Variants in CNTNAP4 observed in about 807,000 individuals in gnomAD.
CNTNAP4 encodes the protein contactin-associated protein-like 4.
CNTNAP4 carries 98 observed loss-of-function variants against 148.4 expected under a neutral mutation model. That is an observed-to-expected ratio of 0.66 (90% CI 0.56 to 0.78). The LOEUF (loss-of-function observed/expected upper bound fraction) is 0.78. Ranked by LOEUF, CNTNAP4 falls within the 30% of genes least tolerant of loss-of-function variation. The probability of loss-of-function intolerance (pLI) is 0.00; values close to 1 mark genes in which losing one functional copy is unlikely to be tolerated. For synonymous variants in CNTNAP4, 730 were observed against 565.1 expected (o/e 1.29, Z -4.14); for missense variants, 1,935 against 1,565.6 (o/e 1.24, Z -3.98).
intron 1 of CNTNAP4, chr16:76,287,754 C>G (rs1958946957): frequency 6.6e-6 from 1 of 152,194 alleles, no homozygotes; most frequent in Admixed American, 6.6e-5. Flanking sequence ...GACCCTGATT[C>G]ACTCCATTTT....
chr16:76,460,326 C>A (rs538928917), intron 8 of CNTNAP4, among the ~76,000 whole-genome samples: 53 of 151,896 alleles, frequency 3.5e-4, no homozygotes, highest in African/African-American at 1.1e-3. Context: ...CCAGGCTGGT[C>A]TCGAACTCCC....
At chr16:76,313,994 C>T (rs1961428431) in intron 1 of CNTNAP4, among the ~76,000 whole-genome samples, 1 of 152,008 alleles carries the variant, frequency 6.6e-6, no homozygotes, top group Admixed American at 6.6e-5. Flanking sequence ...GAAGAATTGG[C>T]TGAATAAATT....
At chr16:76,476,611 AG>A (rs1223491152) in intron 11 of CNTNAP4, among the ~76,000 whole-genome samples, 1 of 152,206 alleles carries the variant, frequency 6.6e-6, no homozygotes, top group Non-Finnish European at 1.5e-5. Context: ...TTCAAGATCA[AG>A]ATGCCAGCAG....
At chr16:76,496,085 T>TTGTGTGTGTGTGTGTGTGTG (rs5817999) in intron 14 of CNTNAP4, among the ~76,000 whole-genome samples, 138 of 140,162 alleles carry the variant, frequency 9.8e-4, no homozygotes, top group Admixed American at 2.1e-3. Flanking sequence ...CAAGATTATG[T>TTGTGTGTGTGTGTGTGTGTG]TGTGTGTGTG....
intron 3 of CNTNAP4, among the ~76,000 whole-genome samples, chr16:76,407,222 T>A (rs1397538046): frequency 2.0e-5 from 3 of 152,104 alleles, no homozygotes; most frequent in Non-Finnish European, 4.4e-5. Context: ...TTACTGAATA[T>A]TTGAAACCCA....
At chr16:76,323,679 C>T (rs1166950798) in intron 2 of CNTNAP4, among the ~76,000 whole-genome samples, 1 of 152,124 alleles carries the variant, frequency 6.6e-6, no homozygotes. Context: ...CTCCTTGGCC[C>T]CTTCCTTAGA....
chr16:76,500,433 C>T (rs2082587631), intron 15 of CNTNAP4, among the ~76,000 whole-genome samples: 1 of 152,162 alleles, frequency 6.6e-6, no homozygotes. Flanking sequence ...GAGTACATTC[C>T]AGCATTCCTG....
At chr16:76,428,137 C>A (rs890425608) in intron 4 of CNTNAP4, among the ~76,000 whole-genome samples, 1 of 152,096 alleles carries the variant, frequency 6.6e-6, no homozygotes, top group African/African-American at 2.4e-5. Context: ...AATACTTTCA[C>A]ATAAAAAAGA....
In CNTNAP4 at chr16:76,538,165, A is replaced by G. The variant is rs1378839336; in HGVS notation, c.3045A>G (p.Gln1015=). 4 of 1,595,530 alleles carry G rather than the reference A, an allele frequency of 2.5e-6. No individual in the cohort carries two copies. The highest frequency in any genetic ancestry group is 3.4e-6 in the Non-Finnish European group (4 of 1,172,396). Residue 1015 remains glutamine, a synonymous_variant, in exon 19 of 24, where the codon CAA becomes CAG. Transcript: ENST00000611870. ...GCTCATCCGTGATATACAATTTTCA[A>G]GAAAATTATCTTTTAAGTAAAAACT... is the stretch of plus-strand genomic sequence containing the variant. ...GSGSSVIYNF[Q]ENYLLSKNSS...
chr16:76,414,627 G>T (rs565899374), intron 3 of CNTNAP4, among the ~76,000 whole-genome samples: 3 of 151,222 alleles, frequency 2.0e-5, no homozygotes, highest in Non-Finnish European at 4.4e-5. Flanking sequence ...ATGTTTAGAA[G>T]AATTCACTAG....
intron 1 of CNTNAP4, among the ~76,000 whole-genome samples, chr16:76,305,345 A>G (rs938819837): frequency 3.3e-5 from 5 of 152,194 alleles, no homozygotes; most frequent in Admixed American, 1.3e-4. Context: ...TTGAAGAACT[A>G]GATCGTAGAT....
intron 3 of CNTNAP4, among the ~76,000 whole-genome samples, chr16:76,396,630 C>T (rs1506840): frequency 0.38 from 57,659 of 152,000 alleles, 11,595 homozygotes; most frequent in Middle Eastern, 0.5. Context: ...TGTGAAATTG[C>T]TTATATTCAA....
chr16:76,428,176 T>C (rs1332676686), intron 4 of CNTNAP4, among the ~76,000 whole-genome samples: 1 of 152,174 alleles, frequency 6.6e-6, no homozygotes, highest in African/African-American at 2.4e-5. Flanking sequence ...CTTAGTCTCC[T>C]CTTAATGAAG....
chr16:76,442,539 G>T (rs1014507863), intron 4 of CNTNAP4, among the ~76,000 whole-genome samples: 3 of 152,102 alleles, frequency 2.0e-5, no homozygotes, highest in Non-Finnish European at 4.4e-5. Flanking sequence ...GCTAACATCT[G>T]CTGGGCTTCT....
At chr16:76,361,565 G>A (rs1364561789) in intron 3 of CNTNAP4, among the ~76,000 whole-genome samples, 2 of 152,014 alleles carry the variant, frequency 1.3e-5, no homozygotes, top group African/African-American at 2.4e-5. Context: ...ATTTGCCTAT[G>A]GACATTTAGG....
At chr16:76,369,571 G>C (rs988173555) in intron 3 of CNTNAP4, among the ~76,000 whole-genome samples, 1 of 152,250 alleles carries the variant, frequency 6.6e-6, no homozygotes, top group Non-Finnish European at 1.5e-5. Context: ...GCCAGGCACA[G>C]TAGCTCATGC....
chr16:76,365,533 G>T (rs8062793), intron 3 of CNTNAP4, among the ~76,000 whole-genome samples: 59 of 151,952 alleles, frequency 3.9e-4, no homozygotes, highest in Admixed American at 3.6e-3. Flanking sequence ...GGTGGATCAC[G>T]TGAGATCAGG....
intron 15 of CNTNAP4, among the ~76,000 whole-genome samples, chr16:76,502,140 T>C (rs1056247561): frequency 6.6e-6 from 1 of 152,206 alleles, no homozygotes; most frequent in Admixed American, 6.5e-5. Flanking sequence ...GACTTATTAA[T>C]TAAACAGTAA....
rs763894049 is a variant in CNTNAP4 at position 76,476,034 on chromosome 16, C to G, written c.1751C>G (p.Thr584Ser). The G allele has an allele frequency of 2.5e-6, 4 of 1,610,408 alleles. No individual in the cohort carries two copies. In the African/African-American group the frequency reaches 5.3e-5, roughly 22 times the overall value. ...ACCAACACTGGTTACAGAGGAGCTACTTGCCATAACTGTAAGCGGAACACA... is the reference window on the plus strand; with the variant it reads ...ACCAACACTGGTTACAGAGGAGCTAGTTGCCATAACTGTAAGCGGAACACA... ...NCTNTGYRGA[T>S]CHNSIYEQSC... The change falls in exon 11 of 24, where the codon ACT (threonine) becomes AGT (serine). Residue 584 changes from threonine to serine, a missense_variant. Coordinates refer to ENST00000611870, the MANE Select transcript of CNTNAP4 (RefSeq NM_033401.5).
Sources: gnomAD v4.1 joint callset for allele counts (sites outside exome capture counted in the v4.1 genomes callset) on GRCh38, gnomAD v4.1.1 for gene constraint, MANE v1.5 for transcripts, NCBI Gene and HGNC (gene_info 2026-07-23, HGNC 2026-07-21) for gene names.